CEP41: variants seen among roughly 807,000 people sequenced by gnomAD.
CEP41 encodes the protein centrosomal protein 41.
Under a neutral mutation model 44.3 loss-of-function variants are expected in CEP41, and 32 were observed. That is an observed-to-expected ratio of 0.72 (90% CI 0.54 to 0.97). The LOEUF (loss-of-function observed/expected upper bound fraction) is 0.97. CEP41 is among the 50% of genes least tolerant of loss of function. The pLI is 0.00. For missense variants in CEP41, 432 were observed against 455.2 expected (o/e 0.95, Z 0.46); for synonymous variants, 151 against 168.5 (o/e 0.90, Z 0.80).
At chr7:130,432,969 G>A (rs1797866410) in intron 1 of CEP41, among the ~76,000 whole-genome samples, 1 of 152,060 alleles carries the variant, frequency 6.6e-6, no homozygotes, top group Non-Finnish European at 1.5e-5. Flanking sequence ...GAGGCACCTG[G>A]GATGAAACTC....
At chr7:130,437,256 A>C (rs1415402028) in intron 1 of CEP41, among the ~76,000 whole-genome samples, 3 of 152,148 alleles carry the variant, frequency 2.0e-5, no homozygotes, top group African/African-American at 7.2e-5. Flanking sequence ...AGGATGGAGA[A>C]AATAGGAGAG....
At chr7:130,418,673 G>C (rs1341338978) in intron 2 of CEP41, among the ~76,000 whole-genome samples, 1 of 152,176 alleles carries the variant, frequency 6.6e-6, no homozygotes, top group African/African-American at 2.4e-5. Flanking sequence ...TAGTAACTAA[G>C]CCAGGATTCG....
At chr7:130,441,331 AGTTTTAGCT>A (rs1798163031), upstream of CEP41, 1 of 428,194 alleles carries the variant, frequency 2.3e-6, no homozygotes, top group African/African-American at 2.0e-5. Flanking sequence ...ACAAAACACG[AGTTTTAGCT>A]AATGTGGAAC....
At position 130,402,682 on chromosome 7, in the gene CEP41, A is replaced by G; in HGVS notation, c.540T>C (p.Asp180=). ...TGTGGCACTGCTGGTAAGAATCTCTATCACGCACATCTAGCAGCAGGAAGG... is the reference window on the plus strand; with the variant it reads ...TGTGGCACTGCTGGTAAGAATCTCTGTCACGCACATCTAGCAGCAGGAAGG... ...DCPFLLLDVR[D]RDSYQQCHIV... Residue 180 remains aspartate (D), a synonymous_variant, in exon 7 of 11, where the codon GAT becomes GAC. Transcript: ENST00000223208. 6.8e-6 allele frequency: 11 copies of G among 1,614,038 alleles called. No homozygotes were observed. The highest frequency in any genetic ancestry group is 9.3e-6 in the Non-Finnish European group (11 of 1,179,986).
rs1796679863 is a variant in CEP41, at chr7:130,396,930, G to A, written c.*1961C>T. 1 of 453,070 alleles carries A rather than the reference G, an allele frequency of 2.2e-6. No homozygotes were observed. The highest frequency in any genetic ancestry group is 1.6e-5 in the South Asian group (1 of 64,186). 28.1% of individuals were successfully genotyped at this position (453,070 alleles called of 1,614,324 possible). On this transcript the variant is annotated 3_prime_UTR_variant, in exon 11 of 11. Transcript: ENST00000223208. The stretch of plus-strand genomic sequence containing the variant: ...GGGAACGCAGAATCGGAACAAGGAG[G>A]GAAGACCATTTACTTTCAAAATAGA...
intron 6 of CEP41, among the ~76,000 whole-genome samples, chr7:130,403,109 G>A (rs1796905047): frequency 6.6e-6 from 1 of 152,172 alleles, no homozygotes; most frequent in African/African-American, 2.4e-5. Flanking sequence ...TAGCCACAAG[G>A]GCAGCATCAG....
At position 130,440,939 on chromosome 7, in the gene CEP41, G is replaced by A. The variant is rs149373377; in HGVS notation, c.28C>T (p.Pro10Ser). 1 of 1,612,508 alleles carries A rather than the reference G, an allele frequency of 6.2e-7. No individual in the cohort carries two copies. The highest frequency in any genetic ancestry group is 1.3e-5 in the African/African-American group (1 of 75,070). MSLRRHIGNPEYLMKRIPQN... is the reference protein window; with the variant it reads MSLRRHIGNSEYLMKRIPQN... ...GGCCGAGACCTGGCCCTCACCTCAGGGTTCCCAATGTGCCTCCGGAGGGAC... is the reference window on the plus strand; with the variant it reads ...GGCCGAGACCTGGCCCTCACCTCAGAGTTCCCAATGTGCCTCCGGAGGGAC... Residue 10 changes from proline to serine, a missense_variant, in exon 1 of 11, where the codon CCT becomes TCT. Coordinates refer to ENST00000223208, the MANE Select transcript of CEP41 (RefSeq NM_018718.3).
At chr7:130,407,084 T>TA (rs1306198915) in intron 5 of CEP41, among the ~76,000 whole-genome samples, 1 of 152,050 alleles carries the variant, frequency 6.6e-6, no homozygotes, top group African/African-American at 2.4e-5. Context: ...AAATTTTACT[T>TA]AGAGGCCTTA....
At chr7:130,417,409 C>G in intron 2 of CEP41, 1 of 989,186 alleles carries the variant, frequency 1.0e-6, no homozygotes, top group Non-Finnish European at 1.2e-6. Flanking sequence ...CAACTCTCTC[C>G]TCTCGGCTTT....
At chr7:130,401,694 G>A (rs192123181) in intron 8 of CEP41, among the ~76,000 whole-genome samples, 187 bp downstream of exon 8, 3 of 152,230 alleles carry the variant, frequency 2.0e-5, no homozygotes, top group East Asian at 1.9e-4. Context: ...AGGGCAAGAC[G>A]GTTTGAAAGC....
At chr7:130,441,184 G>A (rs1228937305), upstream of CEP41, 2 of 691,096 alleles carry the variant, frequency 2.9e-6, no homozygotes, top group African/African-American at 1.8e-5. Context: ...AACGCGGGAC[G>A]CCGGCTAGCG....
chr7:130,440,602 G>A, intron 1 of CEP41: 1 of 523,110 alleles, frequency 1.9e-6, no homozygotes, highest in Non-Finnish European at 3.5e-6. Context: ...TTAGTGTGCA[G>A]CGCTTCCTTT....
Position 130,410,692 on chromosome 7 carries a change from C to T in CEP41, c.277+430G>A, listed in dbSNP as rs117598031. Among the ~76,000 whole-genome samples, 274 of 152,274 alleles carry T rather than the reference C, an allele frequency of 1.8e-3. 6 individuals carry two copies. In the East Asian group the frequency reaches 0.045, roughly 25 times the overall value. On this transcript the variant is annotated intron_variant, in intron 5 of 10. Coordinates refer to ENST00000223208, the MANE Select transcript of CEP41 (RefSeq NM_018718.3). ...TCCATTCCTCCATTTTAAAATTCTGCCACCTTAGTAATTTTGTGGTACTGT... is the reference window on the plus strand; with the variant it reads ...TCCATTCCTCCATTTTAAAATTCTGTCACCTTAGTAATTTTGTGGTACTGT...
intron 1 of CEP41, among the ~76,000 whole-genome samples, chr7:130,435,474 G>A (rs1797935573): frequency 6.6e-6 from 1 of 152,188 alleles, no homozygotes. Flanking sequence ...ATGGATGACA[G>A]ATAAGCACAT....
chr7:130,424,981 T>TA (rs1325798783), intron 2 of CEP41, among the ~76,000 whole-genome samples: 13 of 152,118 alleles, frequency 8.5e-5, no homozygotes, highest in East Asian at 3.8e-4. Flanking sequence ...CTAGAATGTA[T>TA]AAGGAGCTCT....
rs1554421768 is a variant in CEP41 at position 130,419,950 on chromosome 7, T to TACAA, written c.98-2985_98-2984insTTGT. On this transcript the variant is annotated intron_variant, in intron 2 of 10. Transcript: ENST00000223208. The stretch of plus-strand genomic sequence containing the variant: ...AAGCCAAGGACTATTTATGGGCACG[T>TACAA]ACACACACACACACACACACACGTA... The TACAA allele has an allele frequency of 7.2e-6, 7 of 969,704 alleles. No homozygotes were observed. In the African/African-American group the frequency reaches 1.1e-4, roughly 15 times the overall value. The allele number at this position is 969,704 out of a possible 1,614,324, so 60.1% of individuals were successfully genotyped here.
chr7:130,427,535 C>G (rs1445964183), intron 2 of CEP41, among the ~76,000 whole-genome samples: 1 of 152,202 alleles, frequency 6.6e-6, no homozygotes, highest in African/African-American at 2.4e-5. Context: ...TGGTCCATAA[C>G]TTGCCATATG....
In CEP41 at chr7:130,400,152, G is replaced by A; in HGVS notation, c.860C>T (p.Ser287Phe). The A allele has an allele frequency of 6.2e-7, 1 of 1,613,740 alleles. No individual in the cohort carries two copies. Among genetic ancestry groups the A allele is most frequent in the Non-Finnish European group, 8.5e-7 (1 of 1,179,744 alleles). The change falls in exon 10 of 11, where the codon TCC (serine) becomes TTC (phenylalanine). Residue 287 changes from serine (S) to phenylalanine (F), a missense_variant. Transcript: ENST00000223208. ...TGGTAGGGGTGGCCCTTTGGGGCTG[G>A]ATCGTTTCCGGGCAGACCCAGGAGG... ...ALPPGSARKR[S>F]SPKGPPLPAE...
chr7:130,426,756 C>T (rs1187407608), intron 2 of CEP41: 5 of 439,114 alleles, frequency 1.1e-5, no homozygotes, highest in South Asian at 4.8e-5. Flanking sequence ...AGGAACAGTA[C>T]GGCCTAAGAA....
Sources: allele counts gnomAD v4.1 joint callset (sites outside exome capture counted in the v4.1 genomes callset), GRCh38; gene constraint gnomAD v4.1.1; transcripts MANE v1.5; gene names NCBI Gene and HGNC (gene_info 2026-07-23, HGNC 2026-07-21).